The following PLCG2 variants were observed in gnomAD, a reference collection of about 807,000 sequenced individuals.
PLCG2 encodes phospholipase C gamma 2, also known as 1-phosphatidylinositol 4,5-bisphosphate phosphodiesterase gamma-2.
In PLCG2, 69 loss-of-function variants were observed where a neutral mutation model predicts 175.6. The observed-to-expected ratio is 0.39, with a 90% CI of 0.32 to 0.48. The LOEUF (loss-of-function observed/expected upper bound fraction) is 0.48. Among genes scored for constraint, PLCG2 ranks in the 20% least tolerant of loss-of-function variants. The pLI is 0.91. For missense variants in PLCG2, 1,798 were observed against 1,650.9 expected, an observed-to-expected ratio of 1.09 and a Z score of -1.54; for synonymous variants, 827 against 624.0, an observed-to-expected ratio of 1.33 and a Z score of -4.85.
chr16:81,742,671 A>G (rs10871420), intron 1 of PLCG2, among the ~76,000 whole-genome samples: 55,450 of 151,964 alleles, frequency 0.36, 10,274 homozygotes, highest in East Asian at 0.67. Context: ...GGTGGGGAGA[A>G]CTCAAGACAG....
rs112004836 is a variant in PLCG2, at chr16:81,839,386, A to G, written c.194-15058A>G. Among the ~76,000 whole-genome samples, 18 of 152,278 alleles carry G rather than the reference A, an allele frequency of 1.2e-4. 2 individuals carry two copies. The highest frequency in any genetic ancestry group is 4.3e-4 in the African/African-American group (18 of 41,566). On this transcript the variant is annotated intron_variant, in intron 2 of 32. Coordinates refer to ENST00000564138, the MANE Select transcript of PLCG2 (RefSeq NM_002661.5). The stretch of plus-strand genomic sequence containing the variant: ...AAAAATCTCTATATAGTCTTTGTAT[A>G]ATGAGAGTTTTCTGTGTAATTTTGA...
At chr16:81,852,829 T>A (rs2143468764) in intron 2 of PLCG2, among the ~76,000 whole-genome samples, 1 of 152,322 alleles carries the variant, frequency 6.6e-6, no homozygotes, top group Admixed American at 6.5e-5. Context: ...GGCCAGAGGA[T>A]CCACTTCTAA....
chr16:81,784,701 A>G (rs998841718), intron 1 of PLCG2, among the ~76,000 whole-genome samples: 2 of 152,186 alleles, frequency 1.3e-5, no homozygotes, highest in African/African-American at 4.8e-5. Flanking sequence ...CCTGAGATAC[A>G]TTATCTTGTT....
intron 21 of PLCG2, among the ~76,000 whole-genome samples, chr16:81,922,339 TCA>T (rs1314256835): frequency 6.6e-6 from 1 of 152,208 alleles, no homozygotes; most frequent in Admixed American, 6.5e-5. Flanking sequence ...TCTCTGCATC[TCA>T]GTTTTCTCAT....
At chr16:81,876,308 C>G (rs1207713711) in intron 7 of PLCG2, among the ~76,000 whole-genome samples, 1 of 152,174 alleles carries the variant, frequency 6.6e-6, no homozygotes, top group Non-Finnish European at 1.5e-5. Flanking sequence ...TAGACATGAG[C>G]CACTGTGCCT....
intron 13 of PLCG2, chr16:81,898,641 A>T (rs1909002476): frequency 6.6e-6 from 1 of 152,034 alleles, no homozygotes; most frequent in South Asian, 2.1e-4. Flanking sequence ...TTTCATAGTA[A>T]ATGCCATGCA....
intron 2 of PLCG2, among the ~76,000 whole-genome samples, chr16:81,838,169 C>T (rs1597347128): frequency 1.3e-5 from 2 of 152,136 alleles, no homozygotes; most frequent in East Asian, 3.9e-4. Flanking sequence ...ACCTCTGCCT[C>T]CTGGGTTCAA....
intron 9 of PLCG2, among the ~76,000 whole-genome samples, chr16:81,885,171 C>A (rs1001507864): frequency 1.3e-5 from 2 of 151,962 alleles, no homozygotes; most frequent in Non-Finnish European, 2.9e-5. Flanking sequence ...GGATTGCAGG[C>A]GTCTGCCACA....
chr16:81,844,217 T>C (rs1324870509), intron 2 of PLCG2, among the ~76,000 whole-genome samples: 1 of 149,734 alleles, frequency 6.7e-6, no homozygotes, highest in African/African-American at 2.5e-5. Context: ...ATGGTCTCTA[T>C]CTCCTGACCT....
intron 2 of PLCG2, among the ~76,000 whole-genome samples, chr16:81,843,297 G>C (rs1195909256): frequency 6.6e-6 from 1 of 152,212 alleles, no homozygotes; most frequent in Non-Finnish European, 1.5e-5. Context: ...TTGTCAGCAA[G>C]TTGGTGGAAA....
In PLCG2 at chr16:81,880,862, A is replaced by G. The variant is rs1179874410; in HGVS notation, c.649-48A>G. The G allele has an allele frequency of 1.9e-6, 3 of 1,579,600 alleles. No homozygotes were observed. In the South Asian group the frequency reaches 3.4e-5, roughly 18 times the overall value. ...ACAAAAATCTTTCCGTTTTTGCATT[A>G]AGTGACTTGTCTAAGGTTCTTTTTT... On this transcript the variant is annotated intron_variant, in intron 7 of 32. Coordinates refer to ENST00000564138, the MANE Select transcript of PLCG2 (RefSeq NM_002661.5).
chr16:81,910,555 C>T lies in PLCG2; in HGVS notation c.1769C>T (p.Ser590Phe). The T allele has an allele frequency of 1.2e-6, 2 of 1,614,150 alleles. No homozygotes were observed. The highest frequency in any genetic ancestry group is 1.7e-6 in the Non-Finnish European group (2 of 1,179,998). ...SGRVQHCRIR[S>F]TMEGGTLKYY... ...CGGGTCCAGCACTGCCGGATCCGCT[C>T]CACCATGGAGGGCGGGACCCTGAAA... Residue 590 changes from serine (S) to phenylalanine (F), a missense_variant, in exon 18 of 33, where the codon TCC becomes TTC. By Grantham distance (155) the Ser-to-Phe change is radical (BLOSUM62 -2). Coordinates refer to ENST00000564138, the MANE Select transcript of PLCG2 (RefSeq NM_002661.5).
intron 1 of PLCG2, among the ~76,000 whole-genome samples, chr16:81,747,500 A>C (rs1417049896): frequency 1.3e-5 from 2 of 152,076 alleles, no homozygotes; most frequent in African/African-American, 2.4e-5. Context: ...GTGCCCCTGC[A>C]CTCCAGCCTG....
At chr16:81,870,634 A>G (rs934649978) in intron 6 of PLCG2, among the ~76,000 whole-genome samples, 2 of 152,198 alleles carry the variant, frequency 1.3e-5, no homozygotes, top group African/African-American at 4.8e-5. Flanking sequence ...AGGAATATGA[A>G]TTTGATTTTA....
rs188999521 is a variant in PLCG2 at position 81,893,996 on chromosome 16, A to T, written c.1072+202A>T. 2.0e-3 allele frequency among the ~76,000 whole-genome samples: 261 copies of T among 127,416 alleles called. No individual in the cohort carries two copies. The Middle Eastern group carries it at 0.025, about 12-fold the overall frequency. 83.6% of individuals were successfully genotyped at this position (127,416 alleles called of 152,430 possible). A position where few individuals can be genotyped will look rare whatever the true frequency, so the allele number is the denominator to read the frequency against. ...TTTTTTTTGAGACGGAGTCCCTGTC[A>T]TCTGTATCTCCTCAGCTTCCTCCTG... On this transcript the variant is annotated intron_variant, in intron 12 of 32. Coordinates refer to ENST00000564138, the MANE Select transcript of PLCG2 (RefSeq NM_002661.5).
At chr16:81,948,014 C>A (rs940971837) in intron 31 of PLCG2, among the ~76,000 whole-genome samples, 4 of 152,180 alleles carry the variant, frequency 2.6e-5, no homozygotes, top group African/African-American at 9.7e-5. Flanking sequence ...ATGCCTGTTT[C>A]ATCAGGTATG....
Position 81,921,260 on chromosome 16 carries a change from T to C in PLCG2, c.2298T>C (p.Asn766=), listed in dbSNP as rs1910048964. The change falls in exon 21 of 33, where the codon AAT becomes AAC. Residue 766 remains asparagine, a synonymous_variant. Coordinates refer to ENST00000564138, the MANE Select transcript of PLCG2 (RefSeq NM_002661.5). ...TGTATGTGGATCCCAGTGAAATCAATCCGTCCATGGTACGGTGCCGAACCT... is the reference window on the plus strand; with the variant it reads ...TGTATGTGGATCCCAGTGAAATCAACCCGTCCATGGTACGGTGCCGAACCT... ...SRMYVDPSEI[N]PSMPQRTVKA... The C allele has an allele frequency of 8.7e-6, 14 of 1,606,036 alleles. No individual in the cohort carries two copies. Among genetic ancestry groups the C allele is most frequent in the Non-Finnish European group, 1.2e-5 (14 of 1,172,780 alleles).
intron 2 of PLCG2, among the ~76,000 whole-genome samples, chr16:81,853,367 G>C (rs1268499433): frequency 6.6e-6 from 1 of 151,626 alleles, no homozygotes; most frequent in African/African-American, 2.4e-5. Context: ...AAAACCATTA[G>C]ACCCTGAACT....
chr16:81,911,354 C>T (rs549768509), intron 18 of PLCG2, among the ~76,000 whole-genome samples: 28 of 152,116 alleles, frequency 1.8e-4, no homozygotes, highest in Non-Finnish European at 3.4e-4. Flanking sequence ...CTGTGATCTC[C>T]GTCTTCGATT....
Sources: gnomAD v4.1 joint callset for allele counts (sites outside exome capture counted in the v4.1 genomes callset) on GRCh38, gnomAD v4.1.1 for gene constraint, MANE v1.5 for transcripts, NCBI Gene and HGNC (gene_info 2026-07-23, HGNC 2026-07-21) for gene names.